Variants in ANKRD31 observed in about 807,000 individuals in gnomAD.
The protein encoded by ANKRD31 is ankyrin repeat domain-containing protein 31.
Under a neutral mutation model 186.0 loss-of-function variants are expected in ANKRD31, and 147 were observed. That is an observed-to-expected ratio of 0.79 (90% CI 0.69 to 0.91). The LOEUF (loss-of-function observed/expected upper bound fraction) is 0.91, where lower values mean the gene tolerates loss of function less well. Ranked by LOEUF, ANKRD31 falls within the 40% of genes least tolerant of loss-of-function variation. ANKRD31 has a pLI of 0.00. For synonymous variants in ANKRD31, 673 were observed against 736.4 expected, an observed-to-expected ratio of 0.91 and a Z score of 1.39; for missense variants, 1,986 against 2,148.8, an observed-to-expected ratio of 0.92 and a Z score of 1.50.
chr5:75,122,232 C>T (rs1363170471), intron 17 of ANKRD31, among the ~76,000 whole-genome samples: 1 of 151,322 alleles, frequency 6.6e-6, no homozygotes, highest in Admixed American at 6.6e-5. Context: ...CATAAAACCT[C>T]GAAAGACTGA....
At chr5:75,177,570 G>A (rs59104427) in intron 10 of ANKRD31, among the ~76,000 whole-genome samples, 88 of 152,192 alleles carry the variant, frequency 5.8e-4, no homozygotes, top group African/African-American at 2.0e-3. Flanking sequence ...GAGAGTGGGG[G>A]CCAATATTCA....
intron 20 of ANKRD31, 70 bp from the exon 21 acceptor site, chr5:75,107,687 T>C (rs752545435): frequency 6.3e-5 from 55 of 872,834 alleles, no homozygotes; most frequent in Non-Finnish European, 9.1e-5. Flanking sequence ...ATACGAGAAT[T>C]AGCCCTATTG....
At chr5:75,172,715 A>G (rs1753440910) in intron 10 of ANKRD31, among the ~76,000 whole-genome samples, 1 of 152,222 alleles carries the variant, frequency 6.6e-6, no homozygotes, top group African/African-American at 2.4e-5. Flanking sequence ...GAATAGACCA[A>G]TAACAGGCTC....
intron 10 of ANKRD31, among the ~76,000 whole-genome samples, chr5:75,175,954 CGCA>C (rs1753763620): frequency 6.6e-6 from 1 of 152,056 alleles, no homozygotes; most frequent in Non-Finnish European, 1.5e-5. Flanking sequence ...ACCCGGGAAG[CGCA>C]AGGGGTCAGG....
At chr5:75,087,335 C>T (rs762821789) in intron 23 of ANKRD31, among the ~76,000 whole-genome samples, 2 of 151,858 alleles carry the variant, frequency 1.3e-5, no homozygotes, top group Non-Finnish European at 2.9e-5. Flanking sequence ...GGTGAAACCC[C>T]GTCTCTACTA....
At chr5:75,200,707 G>A (rs1330578843) in intron 5 of ANKRD31, among the ~76,000 whole-genome samples, 1 of 150,192 alleles carries the variant, frequency 6.7e-6, no homozygotes, top group African/African-American at 2.4e-5. Flanking sequence ...GAGGTCAGGA[G>A]TTTGAGACCA....
intron 1 of ANKRD31, among the ~76,000 whole-genome samples, chr5:75,236,236 C>T (rs76793300): frequency 0.012 from 1,796 of 152,286 alleles, 10 homozygotes; most frequent in Non-Finnish European, 0.019. Flanking sequence ...TCTCTTGAAG[C>T]AAAATGAAGT....
intron 10 of ANKRD31, among the ~76,000 whole-genome samples, chr5:75,182,130 A>T (rs1754356708): frequency 1.3e-5 from 2 of 152,166 alleles, no homozygotes; most frequent in African/African-American, 4.8e-5. Context: ...ATATTTTAAA[A>T]CTACCTATTT....
chr5:75,220,445 G>A (rs1384841134), intron 3 of ANKRD31, among the ~76,000 whole-genome samples: 1 of 151,980 alleles, frequency 6.6e-6, no homozygotes, highest in Non-Finnish European at 1.5e-5. Flanking sequence ...TTCGAGACCA[G>A]CCGAACCAAC....
intron 17 of ANKRD31, among the ~76,000 whole-genome samples, chr5:75,123,706 C>A (rs1358041606): frequency 6.6e-6 from 1 of 152,050 alleles, no homozygotes; most frequent in East Asian, 1.9e-4. Flanking sequence ...AAAAAGATAT[C>A]TTTTTCAATA....
intron 2 of ANKRD31, among the ~76,000 whole-genome samples, chr5:75,229,991 T>A (rs1757854792): frequency 6.7e-6 from 1 of 150,094 alleles, no homozygotes; most frequent in Non-Finnish European, 1.5e-5. Flanking sequence ...TCCTCCCACA[T>A]CCCAAAGATG....
intron 11 of ANKRD31, among the ~76,000 whole-genome samples, chr5:75,160,652 C>A (rs6872586): frequency 0.24 from 35,959 of 151,968 alleles, 6,013 homozygotes; most frequent in African/African-American, 0.48. Flanking sequence ...ATGCAAATGG[C>A]AAAAGAGACC....
At chr5:75,125,124 T>C (rs191043830) in intron 17 of ANKRD31, among the ~76,000 whole-genome samples, 35 of 152,324 alleles carry the variant, frequency 2.3e-4, no homozygotes, top group Non-Finnish European at 4.1e-4. Context: ...GTAAAATGTC[T>C]GGCACATAGT....
At chr5:75,134,038 C>T (rs879180370) in intron 17 of ANKRD31, among the ~76,000 whole-genome samples, 1 of 151,990 alleles carries the variant, frequency 6.6e-6, no homozygotes, top group Non-Finnish European at 1.5e-5. Context: ...AAATTTATAG[C>T]ACTAAATGCC....
At chr5:75,117,436 C>G (rs984121515) in intron 18 of ANKRD31, among the ~76,000 whole-genome samples, 10 of 152,122 alleles carry the variant, frequency 6.6e-5, no homozygotes, top group African/African-American at 1.9e-4. Context: ...ATCTAGCCCT[C>G]TGGTGAAATA....
rs1480341575 is a variant in ANKRD31, at chr5:75,105,147, C to T, written c.4412G>A (p.Ser1471Asn). 1.3e-5 allele frequency: 20 copies of T among 1,536,538 alleles called. No individual in the cohort carries two copies. The highest frequency in any genetic ancestry group is 8.7e-7 in the Non-Finnish European group (1 of 1,146,766). ...CTGTTTTTTTGCCACAACTAAAAGG[C>T]TCTTCTGTCTTGCAGCCAAGTTGGC... ...QLANLAARQKSLLVVAKKQKK... is the reference protein window; with the variant it reads ...QLANLAARQKNLLVVAKKQKK... Residue 1471 changes from serine (S) to asparagine (N), a missense_variant, in exon 22 of 26, where the codon AGC becomes AAC. Transcript: ENST00000506364.
chr5:75,141,567 A>T (rs553604601), intron 15 of ANKRD31, among the ~76,000 whole-genome samples: 7 of 152,058 alleles, frequency 4.6e-5, no homozygotes, highest in African/African-American at 1.7e-4. Flanking sequence ...AAATTTAAAA[A>T]TTAGCAGGGT....
At chr5:75,203,972 A>AT (rs1332003038) in intron 5 of ANKRD31, among the ~76,000 whole-genome samples, 1 of 152,180 alleles carries the variant, frequency 6.6e-6, no homozygotes, top group Admixed American at 6.5e-5. Context: ...CTTTTTTAAA[A>AT]TCAGAAAGTC....
chr5:75,192,565 CT>C, intron 9 of ANKRD31, 101 bp downstream of exon 9: 1 of 923,080 alleles, frequency 1.1e-6, no homozygotes, highest in Non-Finnish European at 1.6e-6. Flanking sequence ...ATTCAGTTTC[CT>C]CATCAGCAAA....
Sources: allele counts gnomAD v4.1 joint callset (sites outside exome capture counted in the v4.1 genomes callset), GRCh38; gene constraint gnomAD v4.1.1; transcripts MANE v1.5; gene names NCBI Gene and HGNC (gene_info 2026-07-23, HGNC 2026-07-21).